Variants in DDIAS observed in about 807,000 individuals in gnomAD.
DDIAS encodes the protein DNA damage induced apoptosis suppressor.
DDIAS carries 14 observed loss-of-function variants against 15.7 expected under a neutral mutation model. The ratio of observed to expected loss-of-function variants is 0.89; its 90% CI spans 0.59 to 1.39. The LOEUF is 1.39. Ranked by LOEUF, DDIAS falls within the 40% of genes most tolerant of loss-of-function variation. The probability of loss-of-function intolerance (pLI) is 0.00; values close to 1 mark genes in which losing one functional copy is unlikely to be tolerated. For missense variants in DDIAS, 1,035 were observed against 1,130.9 expected (o/e 0.92, Z 1.22); for synonymous variants, 355 against 395.9 (o/e 0.90, Z 1.23).
Position 82,933,180 on chromosome 11 carries a change from T to C in DDIAS, c.1842T>C (p.Tyr614=), listed in dbSNP as rs773924206. The change falls in exon 6 of 6, where the codon TAT becomes TAC. Residue 614 remains tyrosine, a synonymous_variant. Transcript: ENST00000533655. ...TTTGCAAATTAGAAAATAAACAATA[T>C]TGTAGGTGGTCCAAGAACCAAGATG... ...SDLCKLENKQ[Y]CRWSKNQDDS... The C allele has an allele frequency of 1.9e-6, 3 of 1,612,372 alleles. No individual in the cohort carries two copies. Among genetic ancestry groups the C allele is most frequent in the Non-Finnish European group, 2.5e-6 (3 of 1,179,884 alleles).
intron 3 of DDIAS, among the ~76,000 whole-genome samples, chr11:82,916,935 A>C (rs1217626914): frequency 1.3e-5 from 2 of 152,160 alleles, no homozygotes; most frequent in Non-Finnish European, 2.9e-5. Flanking sequence ...CCAAATTAGC[A>C]GCGAAGTTTG....
rs142015298 is a variant in DDIAS at position 82,916,485 on chromosome 11, G to A, written c.113+1634G>A. Among the ~76,000 whole-genome samples, 68 of 150,912 alleles carry A rather than the reference G, an allele frequency of 4.5e-4. No individual in the cohort carries two copies. The East Asian group carries it at 0.012, about 27-fold the overall frequency. ...GTAATATCTGCCTAATAAGGTTCTT[G>A]TAAGGATCAAATAGGTTAATATACA... On this transcript the variant is annotated intron_variant, in intron 3 of 5. Transcript: ENST00000533655.
chr11:82,923,790 A>G (rs1860804357), intron 3 of DDIAS, among the ~76,000 whole-genome samples: 1 of 152,204 alleles, frequency 6.6e-6, no homozygotes, highest in Non-Finnish European at 1.5e-5. Flanking sequence ...CATTATGTAA[A>G]TATACAAACA....
intron 1 of DDIAS, among the ~76,000 whole-genome samples, chr11:82,912,981 A>G (rs1275217799): frequency 6.6e-6 from 1 of 152,190 alleles, no homozygotes; most frequent in Non-Finnish European, 1.5e-5. Flanking sequence ...TTCATCTTAT[A>G]TAGGTACAGT....
chr11:82,902,477 C>T (rs1591083139), intron 1 of DDIAS, among the ~76,000 whole-genome samples: 1 of 150,866 alleles, frequency 6.6e-6, no homozygotes, highest in East Asian at 2.0e-4. Flanking sequence ...TGATAAAGTT[C>T]ATATTTGACC....
chr11:82,905,714 T>C (rs189795827), intron 1 of DDIAS, among the ~76,000 whole-genome samples: 2 of 152,158 alleles, frequency 1.3e-5, no homozygotes, highest in African/African-American at 4.8e-5. Context: ...GTAAGTCTAG[T>C]GACTAGGTAG....
intron 3 of DDIAS, among the ~76,000 whole-genome samples, chr11:82,925,279 C>T (rs1382346555): frequency 6.6e-6 from 1 of 152,150 alleles, no homozygotes; most frequent in Non-Finnish European, 1.5e-5. Context: ...TTCTCACTTT[C>T]ATTTAATTTC....
At position 82,932,464 on chromosome 11, in the gene DDIAS, C is replaced by T; in HGVS notation, c.1126C>T (p.His376Tyr). ...SQHELPCFQH[H>Y]GIDTPTSLQK... ...GCATGAGCTACCATGTTTTCAGCAT[C>T]ATGGTATAGATACCCCAACTAGCCT... The change falls in exon 6 of 6, where the codon CAT becomes TAT. Residue 376 changes from histidine to tyrosine, a missense_variant. Coordinates refer to ENST00000533655, the MANE Select transcript of DDIAS (RefSeq NM_145018.4). The T allele has an allele frequency of 6.2e-7, 1 of 1,614,178 alleles. No homozygotes were observed. Among genetic ancestry groups the T allele is most frequent in the Non-Finnish European group, 8.5e-7 (1 of 1,180,034 alleles).
Position 82,930,805 on chromosome 11 carries a change from A to G in DDIAS, c.393+531A>G, listed in dbSNP as rs555745858. Among the ~76,000 whole-genome samples the G allele has an allele frequency of 2.2e-3, 331 of 152,268 alleles. 2 individuals are homozygous for G. Among genetic ancestry groups the G allele is most frequent in the Admixed American group, 2.7e-3 (42 of 15,290 alleles). On this transcript the variant is annotated intron_variant, in intron 5 of 5. Transcript: ENST00000533655. ...GGAGTAATAGTTTTCTGTCTCATCT[A>G]TGCTAAAGGGAACAAAGAGACATTT... is the stretch of plus-strand genomic sequence containing the variant.
chr11:82,923,785 T>C (rs1359660917), intron 3 of DDIAS, among the ~76,000 whole-genome samples: 1 of 152,318 alleles, frequency 6.6e-6, no homozygotes, highest in East Asian at 1.9e-4. Flanking sequence ...GGTTTCATTA[T>C]GTAAATATAC....
rs1333069968 is a variant in DDIAS at position 82,931,769 on chromosome 11, G to T, written c.431G>T (p.Ser144Ile). The T allele has an allele frequency of 1.9e-6, 3 of 1,608,810 alleles. No homozygotes were observed. The highest frequency in any genetic ancestry group is 2.7e-5 in the African/African-American group (2 of 74,554). The change falls in exon 6 of 6, where the codon AGT becomes ATT. Residue 144 changes from serine to isoleucine, a missense_variant. By Grantham distance (142) the Ser-to-Ile change is moderately radical. Transcript: ENST00000533655. ...CAACCTGGACAAGGTTCAGATGCCA[G>T]TAACTTCTTACAGCAATGCTCTGAC... ...ENQPGQGSDA[S>I]NFLQQCSDHK...
At chr11:82,904,360 T>C (rs563716783) in intron 1 of DDIAS, among the ~76,000 whole-genome samples, 9 of 152,246 alleles carry the variant, frequency 5.9e-5, no homozygotes, top group African/African-American at 2.2e-4. Context: ...TGTTGGTATG[T>C]GCATGTATGG....
chr11:82,911,719 A>G (rs1398553365), intron 1 of DDIAS, among the ~76,000 whole-genome samples: 1 of 152,204 alleles, frequency 6.6e-6, no homozygotes, highest in Non-Finnish European at 1.5e-5. Flanking sequence ...GCATGGTGAA[A>G]CCTTTTCAGA....
chr11:82,929,279 G>A (rs1459633291), intron 4 of DDIAS, among the ~76,000 whole-genome samples: 1 of 152,148 alleles, frequency 6.6e-6, no homozygotes, highest in Non-Finnish European at 1.5e-5. Context: ...GTTCCCCTGA[G>A]GCAGAAGAAT....
At position 82,932,231 on chromosome 11, in the gene DDIAS, T is replaced by C. The variant is rs532135569; in HGVS notation, c.893T>C (p.Leu298Pro). ...GATCCCATTCAGGATTCATGGAGCC[T>C]TGTTTCATATATGGATAAAAAGAGT... ...CHDPIQDSWS[L>P]VSYMDKKSTA... is the part of the protein sequence containing the mutation. The change falls in exon 6 of 6, where the codon CTT (leucine) becomes CCT (proline). Residue 298 changes from leucine to proline, a missense_variant. Coordinates refer to ENST00000533655, the MANE Select transcript of DDIAS (RefSeq NM_145018.4). 4 of 1,613,764 alleles carry C rather than the reference T, an allele frequency of 2.5e-6. No individual in the cohort carries two copies. In the African/African-American group the frequency reaches 5.3e-5, roughly 22 times the overall value.
Position 82,931,575 on chromosome 11 carries a change from C to T in DDIAS, c.394-157C>T, listed in dbSNP as rs556613409. 9.9e-5 allele frequency among the ~76,000 whole-genome samples: 15 copies of T among 152,214 alleles called. No homozygotes were observed. The East Asian group carries it at 2.9e-3, about 29-fold the overall frequency. On this transcript the variant is annotated intron_variant, in intron 5 of 5. Coordinates refer to ENST00000533655, the MANE Select transcript of DDIAS (RefSeq NM_145018.4). ...GTTTTACCATGTTGCCCAGTCTGGT[C>T]TCAAACTCTTGAGGCTCAAGTGATC...
Position 82,912,131 on chromosome 11 carries a change from A to G in DDIAS, c.-116-1156A>G, listed in dbSNP as rs539386996. On this transcript the variant is annotated intron_variant, in intron 1 of 5. Coordinates refer to ENST00000533655, the MANE Select transcript of DDIAS (RefSeq NM_145018.4). ...GGGCCACAGGATTTTTGGAATGGCA[A>G]ATGAGCACTGGTGTCAGTATCAAGA... Among the ~76,000 whole-genome samples, 3 of 152,296 alleles carry G rather than the reference A, an allele frequency of 2.0e-5. No homozygotes were observed. In the South Asian group the frequency reaches 6.2e-4, roughly 32 times the overall value.
chr11:82,932,989 A>G lies in DDIAS; in HGVS notation c.1651A>G (p.Thr551Ala). ...ALSSSSKDLETIVTLKKTIRI... is the reference protein window; with the variant it reads ...ALSSSSKDLEAIVTLKKTIRI... ...GTCTTCATCTTCAAAAGATTTAGAA[A>G]CAATAGTTACTCTTAAGAAGACTAT... The change falls in exon 6 of 6, where the codon ACA becomes GCA. Residue 551 changes from threonine (T) to alanine (A), a missense_variant. Physicochemically the swap from Thr to Ala is moderately conservative, Grantham distance 58. Coordinates refer to ENST00000533655, the MANE Select transcript of DDIAS (RefSeq NM_145018.4). The G allele has an allele frequency of 6.2e-7, 1 of 1,611,614 alleles. No individual in the cohort carries two copies.
chr11:82,926,179 G>A (rs1001513607), intron 3 of DDIAS, among the ~76,000 whole-genome samples: 4 of 145,776 alleles, frequency 2.7e-5, no homozygotes, highest in African/African-American at 5.2e-5. Context: ...AACCTCTGCC[G>A]CCTGAGCTCA....
Sources: gnomAD v4.1 joint callset for allele counts (sites outside exome capture counted in the v4.1 genomes callset) on GRCh38, gnomAD v4.1.1 for gene constraint, MANE v1.5 for transcripts, NCBI Gene and HGNC (gene_info 2026-07-23, HGNC 2026-07-21) for gene names.